PLSCR5: variants seen among roughly 807,000 people sequenced by gnomAD.
PLSCR5 encodes phospholipid scramblase family, member 5.
In PLSCR5, 44 loss-of-function variants were observed where a neutral mutation model predicts 33.6. The ratio of observed to expected loss-of-function variants is 1.31; its 90% confidence interval spans 1.03 to 1.69. The LOEUF is 1.69. Among genes scored for constraint, PLSCR5 ranks in the 40% most tolerant of loss-of-function variants. The probability of loss-of-function intolerance (pLI) is 0.00; values close to 1 mark genes in which losing one functional copy is unlikely to be tolerated. For synonymous variants in PLSCR5, 148 were observed against 112.3 expected (o/e 1.32, Z -2.01); for missense variants, 375 against 318.7 (o/e 1.18, Z -1.34).
At chr3:146,591,668 C>CA (rs949020143) in intron 5 of PLSCR5, 52 bp downstream of exon 5, 226 of 1,487,966 alleles carry the variant, frequency 1.5e-4, no homozygotes, top group East Asian at 2.2e-4. Flanking sequence ...AATTATGTTG[C>CA]AAAAAAAAAT....
At chr3:146,592,120 C>T (rs1258099807) in intron 4 of PLSCR5, among the ~76,000 whole-genome samples, 1 of 151,982 alleles carries the variant, frequency 6.6e-6, no homozygotes, top group African/African-American at 2.4e-5. Flanking sequence ...TGTCTTATTT[C>T]CCTAAAGAGA....
intron 2 of PLSCR5, 81 bp downstream of exon 2, chr3:146,600,207 C>A: frequency 9.1e-7 from 1 of 1,093,080 alleles, no homozygotes; most frequent in Non-Finnish European, 1.2e-6. Context: ...ATTCTTTCAA[C>A]CTTGATTGAA....
At chr3:146,583,449 G>A (rs1022801701), downstream of PLSCR5, among the ~76,000 whole-genome samples, 1 of 152,188 alleles carries the variant, frequency 6.6e-6, no homozygotes, top group Non-Finnish European at 1.5e-5. Flanking sequence ...AGAGGCAGTA[G>A]TGCACTAGGA....
At chr3:146,587,137 A>T (rs2044672810) in intron 6 of PLSCR5, among the ~76,000 whole-genome samples, 1 of 152,150 alleles carries the variant, frequency 6.6e-6, no homozygotes, top group African/African-American at 2.4e-5. Context: ...CATCTTGTTC[A>T]AGTGCAGGTC....
Position 146,591,843 on chromosome 3 carries a change from G to A in PLSCR5, c.492C>T (p.Tyr164=), listed in dbSNP as rs182438758. The A allele has an allele frequency of 8.1e-6, 13 of 1,611,716 alleles. No individual in the cohort carries two copies. Among genetic ancestry groups the A allele is most frequent in the South Asian group, 2.2e-5 (2 of 90,730 alleles). The part of the protein sequence containing the change: ...IQAPPGTIVG[Y]VTQKWDPFLP... ...GAAAGGGGTCCCACTTCTGCGTAAC[G>A]TAACCAACTATAGTACCAGGAGGGG... The change falls in exon 5 of 8, where the codon TAC becomes TAT. Residue 164 remains tyrosine (Y), a synonymous_variant. Transcript: ENST00000443512.
chr3:146,582,042 A>G (rs1006649436), downstream of PLSCR5, among the ~76,000 whole-genome samples: 1 of 152,224 alleles, frequency 6.6e-6, no homozygotes, highest in Admixed American at 6.5e-5. Context: ...TTCAATGACT[A>G]AAACTGAACC....
intron 1 of PLSCR5, 146 bp from the exon 2 acceptor site, chr3:146,600,609 A>C (rs891338764): frequency 3.0e-4 from 264 of 866,728 alleles, no homozygotes; most frequent in South Asian, 6.4e-4. Flanking sequence ...TTCACTACTC[A>C]CTGCCATTAT....
chr3:146,587,593 C>T (rs2044676063), intron 6 of PLSCR5, among the ~76,000 whole-genome samples: 1 of 151,668 alleles, frequency 6.6e-6, no homozygotes, highest in Non-Finnish European at 1.5e-5. Flanking sequence ...GAACAGTAAG[C>T]AAAGGAAGGG....
rs549353272 is a variant in PLSCR5, at chr3:146,593,945, C to A, written c.428G>T (p.Cys143Phe). ...CTCTTGTAGGTAGCAAGGGCACCAG[C>A]AGCTGTTACATCTCAAGGGCCTGTT... is the stretch of plus-strand genomic sequence containing the variant. Reference protein sequence around the residue: ...TVNRPLRCNSCWCPCYLQELE... With the variant: ...TVNRPLRCNSFWCPCYLQELE... Residue 143 changes from cysteine (C) to phenylalanine (F), a missense_variant, in exon 4 of 8, where the codon TGC becomes TTC. By Grantham distance (205) the Cys-to-Phe change is radical (BLOSUM62 -2). Transcript: ENST00000443512. 3.2e-5 allele frequency: 51 copies of A among 1,613,576 alleles called. No homozygotes were observed. The highest frequency in any genetic ancestry group is 1.5e-4 in the Admixed American group (9 of 59,966).
chr3:146,584,309 A>G (rs1029320309), downstream of PLSCR5, among the ~76,000 whole-genome samples: 16 of 152,192 alleles, frequency 1.1e-4, no homozygotes, highest in Non-Finnish European at 1.6e-4. Context: ...AGAGTTCTTC[A>G]AGGTAATATG....
In PLSCR5 at chr3:146,579,848, C is replaced by T. The variant is rs1033521106; in HGVS notation, c.*45-3123G>A. On this transcript the variant is annotated intron_variant, in intron 7 of 7. Transcript: ENST00000482567. ...GCTGAGTGGGACAATGTGGCCTAGC[C>T]TAAGAGAGTCTGACCTCATTAAGCA... 5.3e-5 allele frequency among the ~76,000 whole-genome samples: 8 copies of T among 152,300 alleles called. No individual in the cohort carries two copies. In the East Asian group the frequency reaches 1.5e-3, roughly 29 times the overall value.
At chr3:146,590,615 G>C (rs1480372263) in intron 5 of PLSCR5, among the ~76,000 whole-genome samples, 2 of 152,084 alleles carry the variant, frequency 1.3e-5, no homozygotes. Flanking sequence ...AGAGAATAGA[G>C]AGGGTTACTT....
chr3:146,582,348 G>A (rs111482098), downstream of PLSCR5, among the ~76,000 whole-genome samples: 34,971 of 152,120 alleles, frequency 0.23, 4,131 homozygotes, highest in Middle Eastern at 0.27. Context: ...CCTGACACAT[G>A]TGCAGTAAGG....
intron 5 of PLSCR5, among the ~76,000 whole-genome samples, chr3:146,591,316 T>C (rs983511528): frequency 6.6e-6 from 1 of 152,056 alleles, no homozygotes; most frequent in African/African-American, 2.4e-5. Flanking sequence ...ATGTTCAAAG[T>C]CTTGCACACA....
intron 2 of PLSCR5, among the ~76,000 whole-genome samples, chr3:146,599,371 A>C (rs2044790562): frequency 6.6e-6 from 1 of 152,144 alleles, no homozygotes; most frequent in South Asian, 2.1e-4. Flanking sequence ...TTTGAGATTC[A>C]GTTGAAGACA....
downstream of PLSCR5, among the ~76,000 whole-genome samples, chr3:146,582,382 T>C (rs897806781): frequency 6.6e-6 from 1 of 152,092 alleles, no homozygotes; most frequent in Non-Finnish European, 1.5e-5. Context: ...ATGGAGTAAC[T>C]CAAGGTAAGG....
intron 4 of PLSCR5, among the ~76,000 whole-genome samples, chr3:146,593,463 G>T (rs1322637884): frequency 6.6e-6 from 1 of 152,046 alleles, no homozygotes; most frequent in Non-Finnish European, 1.5e-5. Flanking sequence ...GCCAAACCTT[G>T]GGCTTTGTCA....
Position 146,593,880 on chromosome 3 carries a change from T to C in PLSCR5, c.453+40A>G, listed in dbSNP as rs767146899. ...TTCCTTTTAAAGAAACAAATGCTAATCTTAAAAATCAAAAAGGACAACCAG... is the reference window on the plus strand; with the variant it reads ...TTCCTTTTAAAGAAACAAATGCTAACCTTAAAAATCAAAAAGGACAACCAG... On this transcript the variant is annotated intron_variant, in intron 4 of 7. Coordinates refer to ENST00000443512, the MANE Select transcript of PLSCR5 (RefSeq NM_001085420.2). 7 of 1,561,006 alleles carry C rather than the reference T, an allele frequency of 4.5e-6. No homozygotes were observed. The South Asian group carries it at 7.8e-5, about 17-fold the overall frequency.
At chr3:146,583,445 A>C (rs1183006830), downstream of PLSCR5, among the ~76,000 whole-genome samples, 1 of 152,208 alleles carries the variant, frequency 6.6e-6, no homozygotes, top group Non-Finnish European at 1.5e-5. Flanking sequence ...GACAAGAGGC[A>C]GTAGTGCACT....
Sources: gnomAD v4.1 joint callset for allele counts (sites outside exome capture counted in the v4.1 genomes callset) on GRCh38, gnomAD v4.1.1 for gene constraint, MANE v1.5 for transcripts, NCBI Gene and HGNC (gene_info 2026-07-23, HGNC 2026-07-21) for gene names.